The following LRRC49 variants were observed in gnomAD, a reference collection of about 807,000 sequenced individuals.
The protein encoded by LRRC49 is leucine-rich repeat-containing protein 49.
LRRC49 carries 50 observed loss-of-function variants against 83.3 expected under a neutral mutation model. The ratio of observed to expected loss-of-function variants is 0.60; its 90% CI spans 0.48 to 0.76. LRRC49 has a LOEUF of 0.76. Among genes scored for constraint, LRRC49 ranks in the 30% least tolerant of loss-of-function variants. LRRC49 has a pLI of 0.00. For synonymous variants in LRRC49, 286 were observed against 283.3 expected (o/e 1.01, Z -0.10); for missense variants, 704 against 809.1 (o/e 0.87, Z 1.58).
rs1429741730 is a variant in LRRC49, at chr15:70,980,233, A to G, written c.1005+49A>G. The G allele has an allele frequency of 3.7e-6, 5 of 1,350,048 alleles. No individual in the cohort carries two copies. The South Asian group carries it at 3.9e-5, about 11-fold the overall frequency. 83.6% of individuals were successfully genotyped at this position (1,350,048 alleles called of 1,614,324 possible). A position where few individuals can be genotyped will look rare whatever the true frequency, so the allele number is the denominator to read the frequency against. On this transcript the variant is annotated intron_variant, in intron 10 of 15. Transcript: ENST00000260382. ...GATGTGTGTGCACACGTAGACACAC[A>G]TACCCCAAAGCCAGCTAGCTAGTCT...
rs1306096575 is a variant in LRRC49, at chr15:70,900,295, C to T, written c.194-627C>T. 6.0e-5 allele frequency: 22 copies of T among 368,498 alleles called. No homozygotes were observed. The East Asian group carries it at 1.5e-3, about 26-fold the overall frequency. The allele number at this position is 368,498 out of a possible 1,614,324, so 22.8% of individuals were successfully genotyped here. A position where few individuals can be genotyped will look rare whatever the true frequency, so the allele number is the denominator to read the frequency against. On this transcript the variant is annotated intron_variant, in intron 3 of 15. Transcript: ENST00000260382. Reference sequence around the variant, plus strand: ...TCATATACTTTGTGGACCCTAACTACGGTATGCTAGATTTACTGACATCCA... The same window carrying T: ...TCATATACTTTGTGGACCCTAACTATGGTATGCTAGATTTACTGACATCCA...
chr15:70,918,245 G>A (rs2034864916), intron 6 of LRRC49: 1 of 152,430 alleles, frequency 6.6e-6, no homozygotes, highest in African/African-American at 2.4e-5. Flanking sequence ...GCCCTTAGCA[G>A]GCGTGGGACC....
intron 6 of LRRC49, among the ~76,000 whole-genome samples, chr15:70,912,974 G>T (rs1041853336): frequency 6.6e-6 from 1 of 152,124 alleles, no homozygotes; most frequent in African/African-American, 2.4e-5. Flanking sequence ...ACCGTGCCCA[G>T]CTCTATATCT....
At position 71,051,819 on chromosome 15, in the gene LRRC49, G is replaced by C. The variant is rs1660976; in HGVS notation, c.*2207G>C. 0.82 allele frequency: 124,404 copies of C among 152,250 alleles called. 51,221 individuals are homozygous for C. Among genetic ancestry groups the C allele is most frequent in the Admixed American group, 0.86 (13,217 of 15,286 alleles). The allele number at this position is 152,250 out of a possible 1,614,324, so 9.4% of individuals were successfully genotyped here. On this transcript the variant is annotated 3_prime_UTR_variant, in exon 16 of 16. Transcript: ENST00000260382. ...CCATCCCAGCCACTGCTGGCTCTAT[G>C]CAGACCTGCTTCAGGCCTGGTAATA...
At chr15:71,047,610 A>C (rs1320919244) in intron 15 of LRRC49, among the ~76,000 whole-genome samples, 1 of 152,178 alleles carries the variant, frequency 6.6e-6, no homozygotes, top group Non-Finnish European at 1.5e-5. Flanking sequence ...AGGTATAGAA[A>C]TCATATTGTC....
chr15:71,033,937 A>G (rs1024069118), intron 14 of LRRC49, among the ~76,000 whole-genome samples: 1 of 152,240 alleles, frequency 6.6e-6, no homozygotes, highest in African/African-American at 2.4e-5. Flanking sequence ...AAAAGCCTAG[A>G]AGAAAATCTA....
At chr15:70,968,172 G>A (rs2036860141) in intron 9 of LRRC49, among the ~76,000 whole-genome samples, 1 of 152,014 alleles carries the variant, frequency 6.6e-6, no homozygotes, top group Admixed American at 6.6e-5. Context: ...GGTATGTGAT[G>A]TTCCCCTCCC....
In LRRC49 at chr15:70,860,084, A is replaced by G; in HGVS notation, c.-299+6615A>G. The G allele has an allele frequency of 5.5e-6, 4 of 727,646 alleles. No homozygotes were observed. In the East Asian group the frequency reaches 9.8e-5, roughly 18 times the overall value. The allele number at this position is 727,646 out of a possible 1,614,324, so 45.1% of individuals were successfully genotyped here. On this transcript the variant is annotated intron_variant, in intron 1 of 16. Transcript: ENST00000544974. ...CAGCTCCTTCAGCCGCACCGGCTCCACCAGGGCTGTGGTTGAAGAAGATTG... is the reference window on the plus strand; with the variant it reads ...CAGCTCCTTCAGCCGCACCGGCTCCGCCAGGGCTGTGGTTGAAGAAGATTG...
Position 70,943,807 on chromosome 15 carries a change from A to G in LRRC49, c.773+6985A>G, listed in dbSNP as rs144089676. On this transcript the variant is annotated intron_variant, in intron 8 of 15. Coordinates refer to ENST00000260382, the MANE Select transcript of LRRC49 (RefSeq NM_017691.5). ...GAGTATCAGTTTCAGGTTTTTTTCT[A>G]TCTATTGGGAGACTGCCTTTCCCTG... 4.8e-3 allele frequency among the ~76,000 whole-genome samples: 728 copies of G among 152,140 alleles called. 8 individuals carry two copies. Among genetic ancestry groups the G allele is most frequent in the African/African-American group, 0.017 (703 of 41,498 alleles).
chr15:70,980,753 T>C (rs1312712028), intron 10 of LRRC49, among the ~76,000 whole-genome samples: 1 of 152,176 alleles, frequency 6.6e-6, no homozygotes, highest in Non-Finnish European at 1.5e-5. Context: ...TTGCAAAGTA[T>C]AAGTAAAGGC....
At chr15:71,004,906 GGGA>G (rs940965285) in intron 11 of LRRC49, among the ~76,000 whole-genome samples, 12 of 152,082 alleles carry the variant, frequency 7.9e-5, no homozygotes, top group Non-Finnish European at 1.3e-4. Context: ...GGTAAAAGGT[GGGA>G]GGAGGAGGAA....
rs990250136 is a variant in LRRC49, at chr15:71,052,440, G to A, written c.*2828G>A. The A allele has an allele frequency of 3.3e-5, 5 of 152,196 alleles. No individual in the cohort carries two copies. The highest frequency in any genetic ancestry group is 1.2e-4 in the African/African-American group (5 of 41,434). 9.4% of individuals were successfully genotyped at this position (152,196 alleles called of 1,614,324 possible). On this transcript the variant is annotated 3_prime_UTR_variant, in exon 16 of 16. Transcript: ENST00000260382. ...TTACCAAGTGTGCAGGTGGACCTGA[G>A]GCTTGTTAACTGTGCTGCTGAGTCA...
intron 11 of LRRC49, among the ~76,000 whole-genome samples, chr15:71,003,127 G>A (rs564249139): frequency 1.4e-4 from 21 of 151,364 alleles, no homozygotes; most frequent in African/African-American, 4.8e-4. Flanking sequence ...AGTAGAGATG[G>A]GGTTTCATCA....
intron 14 of LRRC49, among the ~76,000 whole-genome samples, chr15:71,024,621 C>T (rs1009986054): frequency 1.3e-5 from 2 of 151,116 alleles, no homozygotes; most frequent in African/African-American, 2.4e-5. Context: ...CCTCAAAGAT[C>T]GAAGATAAAT....
chr15:71,004,881 C>T (rs912508571), intron 11 of LRRC49, among the ~76,000 whole-genome samples: 3 of 151,826 alleles, frequency 2.0e-5, no homozygotes, highest in Admixed American at 6.6e-5. Flanking sequence ...AAAGACACAC[C>T]AGGGCCTATT....
Position 70,980,092 on chromosome 15 carries a change from G to A in LRRC49, c.922-9G>A. ...CTCTTCATAATACTTTTCGGAAAAT[G>A]TCTTTTAGGAAGAAGAAAGGCGTAT... On this transcript the variant is annotated splice_polypyrimidine_tract_variant and intron_variant, in intron 9 of 15. Transcript: ENST00000260382. The A allele has an allele frequency of 1.3e-6, 2 of 1,588,098 alleles. No individual in the cohort carries two copies. The highest frequency in any genetic ancestry group is 1.7e-6 in the Non-Finnish European group (2 of 1,163,020).
chr15:70,996,702 G>T (rs1441251), intron 11 of LRRC49, among the ~76,000 whole-genome samples: 1 of 151,980 alleles, frequency 6.6e-6, no homozygotes, highest in Non-Finnish European at 1.5e-5. Context: ...CTAAATCTCT[G>T]TTTTTTTGTT....
chr15:70,853,866 C>A, intron 1 of LRRC49: 1 of 1,256,208 alleles, frequency 8.0e-7, no homozygotes, highest in Non-Finnish European at 1.0e-6. Flanking sequence ...GGGCCCACCT[C>A]CCGGGCCAGC....
chr15:71,008,267 A>T, intron 11 of LRRC49, 112 bp from the exon 12 acceptor site: 1 of 628,522 alleles, frequency 1.6e-6, no homozygotes, highest in Non-Finnish European at 2.8e-6. Context: ...AGGTTTAATT[A>T]CTGAAATGAA....
Sources: gnomAD v4.1 joint callset for allele counts (sites outside exome capture counted in the v4.1 genomes callset) on GRCh38, gnomAD v4.1.1 for gene constraint, MANE v1.5 for transcripts, NCBI Gene and HGNC (gene_info 2026-07-23, HGNC 2026-07-21) for gene names.